Variants in CDYL observed in about 807,000 individuals in gnomAD.
The protein encoded by CDYL is chromodomain Y-like protein.
CDYL carries 8 observed loss-of-function variants against 47.3 expected under a neutral mutation model. The observed-to-expected ratio is 0.17, with a 90% CI of 0.10 to 0.31. The LOEUF (loss-of-function observed/expected upper bound fraction) is 0.31. CDYL is among the 10% of genes least tolerant of loss of function. The pLI is 1.00. For synonymous variants in CDYL, 266 were observed against 265.0 expected (o/e 1.00, Z -0.04); for missense variants, 471 against 701.4 (o/e 0.67, Z 3.71).
intron 2 of CDYL, among the ~76,000 whole-genome samples, chr6:4,921,609 T>G (rs953105494): frequency 1.3e-5 from 2 of 152,208 alleles, no homozygotes; most frequent in African/African-American, 4.8e-5. Flanking sequence ...CTTGTGCCCT[T>G]TCCAATGCCT....
chr6:4,782,775 A>G (rs1758651574), intron 1 of CDYL, among the ~76,000 whole-genome samples: 1 of 152,222 alleles, frequency 6.6e-6, no homozygotes, highest in African/African-American at 2.4e-5. Context: ...AGACCTTTGA[A>G]CTAAGACTTA....
chr6:4,896,312 C>A (rs886957161), intron 2 of CDYL, among the ~76,000 whole-genome samples: 4 of 152,194 alleles, frequency 2.6e-5, no homozygotes, highest in African/African-American at 9.7e-5. Flanking sequence ...GGTACCTGTG[C>A]AGAGAAGAGC....
chr6:4,854,209 A>G (rs551322234), intron 1 of CDYL, among the ~76,000 whole-genome samples: 1 of 152,310 alleles, frequency 6.6e-6, no homozygotes, highest in East Asian at 1.9e-4. Context: ...CGAGCACACC[A>G]GTGTCTGGCT....
At position 4,892,305 on chromosome 6, in the gene CDYL, T is replaced by C. The variant is rs1353394685; in HGVS notation, c.617T>C (p.Ile206Thr). Residue 206 changes from isoleucine (I) to threonine (T), a missense_variant, in exon 2 of 7, where the codon ATA becomes ACA. Around this residue, in one of 3 missense-constraint regions of CDYL, gnomAD observed 311 missense variants for 350.0 expected, o/e 0.89. Transcript: ENST00000397588. Reference sequence around the variant, plus strand: ...GCCAGGATGGGGAGCAGGCCCAGGATACACCCACTAGTGCCTCAGGTGCCC... The same window carrying C: ...GCCAGGATGGGGAGCAGGCCCAGGACACACCCACTAGTGCCTCAGGTGCCC... The part of the protein sequence containing the change: ...ERARMGSRPR[I>T]HPLVPQVPGP... The C allele has an allele frequency of 1.9e-6, 3 of 1,614,014 alleles. No individual in the cohort carries two copies. Among genetic ancestry groups the C allele is most frequent in the Admixed American group, 3.3e-5 (2 of 60,000 alleles).
At chr6:4,741,574 G>A (rs1047536445) in intron 3 of CDYL, among the ~76,000 whole-genome samples, 3 of 152,078 alleles carry the variant, frequency 2.0e-5, no homozygotes, top group Admixed American at 1.3e-4. Context: ...GTTCAAATCA[G>A]CAGGAAGGAG....
At position 4,892,427 on chromosome 6, in the gene CDYL, T is replaced by C. The variant is rs1762077195; in HGVS notation, c.691+48T>C. The C allele has an allele frequency of 2.0e-6, 3 of 1,529,214 alleles. 1 individual carries two copies. The South Asian group carries it at 3.8e-5, about 20-fold the overall frequency. The allele number at this position is 1,529,214 out of a possible 1,614,324, so 94.7% of individuals were successfully genotyped here. ...AGGCTCCGTGGTGATCCCAGAGGGC[T>C]CGGGTCCTTCTCTAGAGATCAGGCC... On this transcript the variant is annotated intron_variant, in intron 2 of 6. Transcript: ENST00000397588.
rs375497995 is a variant in CDYL at position 4,853,959 on chromosome 6, C to A, written c.25-37754C>A. On this transcript the variant is annotated intron_variant, in intron 1 of 6. Coordinates refer to ENST00000397588, the MANE Select transcript of CDYL (RefSeq NM_004824.4). ...TGTAAAATTTTGTTTTCCCGAAATT[C>A]AGCACAGATGGGCTTCTGTGAAGGT... 2.0e-5 allele frequency among the ~76,000 whole-genome samples: 3 copies of A among 152,360 alleles called. No individual in the cohort carries two copies. The South Asian group carries it at 6.2e-4, about 32-fold the overall frequency.
chr6:4,895,136 T>C, intron 2 of CDYL, among the ~76,000 whole-genome samples: 1 of 50,250 alleles, frequency 2.0e-5, no homozygotes, highest in South Asian at 1.4e-3. Flanking sequence ...TGTGCATGTG[T>C]GTATATGTAT....
chr6:4,739,290 G>A (rs912218780), intron 3 of CDYL, among the ~76,000 whole-genome samples: 1 of 152,008 alleles, frequency 6.6e-6, no homozygotes, highest in African/African-American at 2.4e-5. Context: ...GGCTGAGGTG[G>A]GTGAATGACC....
chr6:4,926,250 G>T (rs1045558177), intron 2 of CDYL, among the ~76,000 whole-genome samples: 3 of 152,150 alleles, frequency 2.0e-5, no homozygotes, highest in Non-Finnish European at 4.4e-5. Flanking sequence ...AAGAAAATTT[G>T]CAGATTATGT....
At chr6:4,937,271 ATTGT>A (rs1293218407) in intron 3 of CDYL, among the ~76,000 whole-genome samples, 1 of 152,140 alleles carries the variant, frequency 6.6e-6, no homozygotes, top group Non-Finnish European at 1.5e-5. Flanking sequence ...AGGCGGGAGG[ATTGT>A]TTGAGCCCAG....
intron 3 of CDYL, among the ~76,000 whole-genome samples, chr6:4,765,725 G>A (rs942662921): frequency 6.6e-5 from 10 of 151,942 alleles, no homozygotes; most frequent in African/African-American, 9.7e-5. Context: ...CACCACACCC[G>A]GCTAATTTTT....
intron 2 of CDYL, among the ~76,000 whole-genome samples, chr6:4,731,487 A>C (rs6941562): frequency 0.14 from 21,622 of 152,068 alleles, 2,012 homozygotes; most frequent in African/African-American, 0.28. Context: ...TATGGATCCA[A>C]AAAACATGTC....
At chr6:4,783,417 C>CTTTTTTTT (rs1554097730) in intron 1 of CDYL, among the ~76,000 whole-genome samples, 1 of 137,418 alleles carries the variant, frequency 7.3e-6, no homozygotes, top group Non-Finnish European at 1.6e-5. Flanking sequence ...ATTCTTGAGA[C>CTTTTTTTT]TTTTTTTTTT....
chr6:4,756,165 A>C (rs1758070808), intron 3 of CDYL, among the ~76,000 whole-genome samples: 1 of 152,178 alleles, frequency 6.6e-6, no homozygotes, highest in East Asian at 1.9e-4. Flanking sequence ...CTGAATGGCC[A>C]CTGAACAACC....
At chr6:4,855,342 T>G (rs1044514083) in intron 1 of CDYL, among the ~76,000 whole-genome samples, 7 of 152,154 alleles carry the variant, frequency 4.6e-5, no homozygotes, top group African/African-American at 1.7e-4. Context: ...AGTGTTGTGA[T>G]CACAGTGTCA....
upstream of CDYL, chr6:4,773,085 A>G: frequency 2.2e-6 from 1 of 457,200 alleles, no homozygotes; most frequent in Non-Finnish European, 4.4e-6. This position sits in a 1 kb window ranked among gnomAD's most constrained non-coding sequence, Gnocchi z 4.6. Flanking sequence ...GAAGAGTCTT[A>G]TCGTCGGTAG....
rs140868378 is a variant in CDYL, at chr6:4,815,297, A to G, written c.24+38490A>G. Among the ~76,000 whole-genome samples the G allele has an allele frequency of 8.5e-5, 13 of 152,316 alleles. No homozygotes were observed. In the East Asian group the frequency reaches 2.3e-3, roughly 27 times the overall value. ...TAAACATGCACCAGAGGTTTATATAAATATAGCTATAAGCCTTTTAATTTT... is the reference window on the plus strand; with the variant it reads ...TAAACATGCACCAGAGGTTTATATAGATATAGCTATAAGCCTTTTAATTTT... On this transcript the variant is annotated intron_variant, in intron 1 of 6. Coordinates refer to ENST00000397588, the MANE Select transcript of CDYL (RefSeq NM_004824.4).
chr6:4,730,874 A>C (rs1175221619), intron 2 of CDYL, among the ~76,000 whole-genome samples: 1 of 152,056 alleles, frequency 6.6e-6, no homozygotes, highest in Non-Finnish European at 1.5e-5. Context: ...TTTCCTCTGC[A>C]CACATTCCGC....
Sources: gnomAD v4.1 joint callset for allele counts (sites outside exome capture counted in the v4.1 genomes callset) on GRCh38, gnomAD v4.1.1 for gene constraint, gnomAD v4.1.1 regional missense constraint, Gnocchi (gnomAD v3.1) non-coding constraint, MANE v1.5 for transcripts, NCBI Gene and HGNC (gene_info 2026-07-23, HGNC 2026-07-21) for gene names.